Variants in CASP14 observed in about 807,000 individuals in gnomAD.
CASP14 encodes caspase-14.
A neutral mutation model predicts 28.4 loss-of-function variants in CASP14; 27 were observed. That is an observed-to-expected ratio of 0.95 (90% CI 0.70 to 1.31). The LOEUF (loss-of-function observed/expected upper bound fraction) is 1.31, where lower values mean the gene tolerates loss of function less well. Ranked by LOEUF, CASP14 falls within the 50% of genes most tolerant of loss-of-function variation. The pLI is 0.00. For synonymous variants in CASP14, 115 were observed against 118.6 expected, an observed-to-expected ratio of 0.97 and a Z score of 0.20; for missense variants, 323 against 312.8, an observed-to-expected ratio of 1.03 and a Z score of -0.25.
chr19:15,051,072 A>G (rs1402535823), intron 1 of CASP14, among the ~76,000 whole-genome samples: 2 of 152,036 alleles, frequency 1.3e-5, no homozygotes, highest in Non-Finnish European at 2.9e-5. Flanking sequence ...TGGTAGATGG[A>G]TAGATGAATG....
In CASP14 at chr19:15,055,510, CA is replaced by C; in HGVS notation, c.602del (p.His201LeufsTer6). ...LVDVFTKRKG[H>X]ILELLTEVTR... is the part of the protein sequence containing the mutation. ...GGATGTGTTCACGAAGAGGAAAGGA[CA>C]TATCTTGGAACTTCTGACAGAGGTG... On this transcript the variant is annotated frameshift_variant, in exon 6 of 7. Transcript: ENST00000427043. LOFTEE classifies it high-confidence loss of function. 2 of 1,613,902 alleles carry C rather than the reference CA, an allele frequency of 1.2e-6. No homozygotes were observed. The highest frequency in any genetic ancestry group is 1.7e-6 in the Non-Finnish European group (2 of 1,179,818).
At chr19:15,051,499 T>A (rs2046090553) in intron 1 of CASP14, among the ~76,000 whole-genome samples, 2 of 41,090 alleles carry the variant, frequency 4.9e-5, no homozygotes, top group African/African-American at 1.6e-4. Flanking sequence ...TGAGATTCTG[T>A]CTCAAAAAAA....
In CASP14 at chr19:15,054,868, T is replaced by C. The variant is rs138207650; in HGVS notation, c.404-290T>C. Reference sequence around the variant, plus strand: ...GTTGGTCAGGCTGGTCTCAAACTCCTGACCTCAGGTGATCTGCCTTCCTCA... The same window carrying C: ...GTTGGTCAGGCTGGTCTCAAACTCCCGACCTCAGGTGATCTGCCTTCCTCA... On this transcript the variant is annotated intron_variant, in intron 4 of 6. Transcript: ENST00000427043. 1,337 of 287,540 alleles carry C rather than the reference T, an allele frequency of 4.6e-3. 8 individuals are homozygous for C. Among genetic ancestry groups the C allele is most frequent in the Non-Finnish European group, 6.5e-3 (972 of 149,300 alleles). 17.8% of individuals were successfully genotyped at this position (287,540 alleles called of 1,614,324 possible). A position where few individuals can be genotyped will look rare whatever the true frequency, so the allele number is the denominator to read the frequency against.
Position 15,052,238 on chromosome 19 carries a change from C to T in CASP14, c.-14C>T, listed in dbSNP as rs376448347. 91 of 1,586,636 alleles carry T rather than the reference C, an allele frequency of 5.7e-5. No homozygotes were observed. The highest frequency in any genetic ancestry group is 3.0e-4 in the Admixed American group (17 of 55,996). Reference sequence around the variant, plus strand: ...CAAGGGTGCTGAGAGCCGGGACTCACAACCAAAGGAGAAATGAGCAATCCG... The same window carrying T: ...CAAGGGTGCTGAGAGCCGGGACTCATAACCAAAGGAGAAATGAGCAATCCG... On this transcript the variant is annotated 5_prime_UTR_variant, in exon 2 of 7. Transcript: ENST00000427043.
At chr19:15,054,901 A>G in intron 4 of CASP14, 1 of 373,272 alleles carries the variant, frequency 2.7e-6, no homozygotes. Context: ...TCAGCCTCCC[A>G]AAGTGCTGGG....
At chr19:15,049,697 T>TCTCTCTCTCTCTCTCA (rs1491472877) in intron 1 of CASP14, 52 bp downstream of exon 1, 1 of 104,504 alleles carries the variant, frequency 9.6e-6, no homozygotes, top group African/African-American at 3.7e-5. Flanking sequence ...TCTCTCTCTC[T>TCTCTCTCTCTCTCTCA]CACACACACA....
chr19:15,055,968 C>G lies in CASP14; in HGVS notation c.625-17C>G, dbSNP rs1204099044. ...ATGACACTGACTCCTCCAAGCTCAC[C>G]ACACCTGTTGCTGCAGGTGACCCGG... On this transcript the variant is annotated splice_polypyrimidine_tract_variant and intron_variant, in intron 6 of 6. Transcript: ENST00000427043. 1 of 1,591,124 alleles carries G rather than the reference C, an allele frequency of 6.3e-7. No individual in the cohort carries two copies. The highest frequency in any genetic ancestry group is 2.3e-5 in the East Asian group (1 of 44,190).
chr19:15,056,317 G>T lies in CASP14; in HGVS notation c.*228G>T, dbSNP rs61637857. On this transcript the variant is annotated 3_prime_UTR_variant, in exon 7 of 7. Coordinates refer to ENST00000427043, the MANE Select transcript of CASP14 (RefSeq NM_012114.3). ...CATTAACATCACCTCCCTCAGGCTG[G>T]ACTTTCTATCTTTATTAATGCAACC... is the stretch of plus-strand genomic sequence containing the variant. 0.091 allele frequency: 39,201 copies of T among 431,556 alleles called. 2,269 individuals are homozygous for T. The highest frequency in any genetic ancestry group is 0.2 in the African/African-American group (9,912 of 49,674). 26.7% of individuals were successfully genotyped at this position (431,556 alleles called of 1,614,324 possible).
intron 6 of CASP14, among the ~76,000 whole-genome samples, chr19:15,055,755 T>C (rs752645418): frequency 6.6e-6 from 1 of 152,192 alleles, no homozygotes; most frequent in Non-Finnish European, 1.5e-5. Flanking sequence ...AAATCCCCCT[T>C]GGATATAAAC....
At chr19:15,054,439 G>T (rs929716780) in intron 4 of CASP14, among the ~76,000 whole-genome samples, 4 of 152,126 alleles carry the variant, frequency 2.6e-5, no homozygotes, top group African/African-American at 9.7e-5. Context: ...GATTAGCCAA[G>T]GGCATGGTGG....
rs375639504 is a variant in CASP14, at chr19:15,056,528, G to A, written c.*439G>A. ...TCACTTGGAGGTCAAACCTCCTCCTGAGGCCAATGCATTCCCAACTTCCAG... is the reference window on the plus strand; with the variant it reads ...TCACTTGGAGGTCAAACCTCCTCCTAAGGCCAATGCATTCCCAACTTCCAG... On this transcript the variant is annotated 3_prime_UTR_variant, in exon 7 of 7. Coordinates refer to ENST00000427043, the MANE Select transcript of CASP14 (RefSeq NM_012114.3). 120 of 171,324 alleles carry A rather than the reference G, an allele frequency of 7.0e-4. 4 individuals carry two copies. The South Asian group carries it at 0.017, about 24-fold the overall frequency. The allele number at this position is 171,324 out of a possible 1,614,324, so 10.6% of individuals were successfully genotyped here. A position where few individuals can be genotyped will look rare whatever the true frequency, so the allele number is the denominator to read the frequency against.
At chr19:15,053,671 T>C in intron 3 of CASP14, 40 bp downstream of exon 3, 1 of 1,613,916 alleles carries the variant, frequency 6.2e-7, no homozygotes. Flanking sequence ...GGGGGAAAGG[T>C]ACTAGGTTGG....
rs138149294 is a variant in CASP14 at position 15,055,169 on chromosome 19, C to T, written c.415C>T (p.Pro139Ser). 4.3e-4 allele frequency: 690 copies of T among 1,613,828 alleles called. 5 individuals are homozygous for T. The African/African-American group carries it at 8.2e-3, about 19-fold the overall frequency. ...TCTTGTTGTTTCAGAACAAAGGGAC[C>T]CCGGTGAAACAGTAGGTGGAGATGA... ...IQACRGEQRD[P>S]GETVGGDEIV... The change falls in exon 5 of 7, where the codon CCC becomes TCC. Residue 139 changes from proline to serine, a missense_variant. Transcript: ENST00000427043.
chr19:15,055,222 A>C lies in CASP14; in HGVS notation c.468A>C (p.Pro156=), dbSNP rs113252599. The change falls in exon 5 of 7, where the codon CCA becomes CCC. Residue 156 remains proline, a synonymous_variant. Coordinates refer to ENST00000427043, the MANE Select transcript of CASP14 (RefSeq NM_012114.3). The part of the protein sequence containing the change: ...DEIVMVIKDS[P]QTIPTYTDAL... ...TTGTGATGGTCATCAAAGACAGCCC[A>C]CAAACCATCCCAACATACACAGATG... The C allele has an allele frequency of 5.8e-4, 935 of 1,614,060 alleles. 6 individuals carry two copies. The African/African-American group carries it at 0.01, about 18-fold the overall frequency.
intron 1 of CASP14, among the ~76,000 whole-genome samples, chr19:15,051,308 C>T (rs1428861512): frequency 6.6e-6 from 1 of 151,252 alleles, no homozygotes; most frequent in Non-Finnish European, 1.5e-5. Flanking sequence ...ACCATCCTGG[C>T]TAACACAGTG....
Position 15,053,931 on chromosome 19 carries a change from G to A in CASP14, c.376G>A (p.Val126Met), listed in dbSNP as rs764966381. 4 of 1,613,886 alleles carry A rather than the reference G, an allele frequency of 2.5e-6. No individual in the cohort carries two copies. Among genetic ancestry groups the A allele is most frequent in the Non-Finnish European group, 2.5e-6 (3 of 1,180,016 alleles). ...NCQALRAKPK[V>M]YIIQACRGEQ... ...CCAGGCCCTGCGAGCTAAGCCCAAG[G>A]TGTACATCATACAGGCCTGTCGAGG... The change falls in exon 4 of 7, where the codon GTG becomes ATG. Residue 126 changes from valine (V) to methionine (M), a missense_variant. By Grantham distance (21) the Val-to-Met change is conservative. Coordinates refer to ENST00000427043, the MANE Select transcript of CASP14 (RefSeq NM_012114.3).
At position 15,053,578 on chromosome 19, in the gene CASP14, A is replaced by G. The variant is rs761056611; in HGVS notation, c.124A>G (p.Met42Val). 12 of 1,614,084 alleles carry G rather than the reference A, an allele frequency of 7.4e-6. No homozygotes were observed. Among genetic ancestry groups the G allele is most frequent in the African/African-American group, 1.3e-5 (1 of 75,046 alleles). ...SEEDLDALEH[M>V]FRQLRFESTM... Reference sequence around the variant, plus strand: ...AGAAGACCTGGATGCTCTGGAACACATGTTTCGGCAGCTGAGATTCGAAAG... The same window carrying G: ...AGAAGACCTGGATGCTCTGGAACACGTGTTTCGGCAGCTGAGATTCGAAAG... The change falls in exon 3 of 7, where the codon ATG (methionine) becomes GTG (valine). Residue 42 changes from methionine (M) to valine (V), a missense_variant. Coordinates refer to ENST00000427043, the MANE Select transcript of CASP14 (RefSeq NM_012114.3).
intron 2 of CASP14, 34 bp from the exon 3 acceptor site, chr19:15,053,448 C>T (rs771520442): frequency 6.2e-7 from 1 of 1,613,820 alleles, no homozygotes; most frequent in Admixed American, 1.7e-5. Flanking sequence ...CCTTGAACCT[C>T]TCCATGCTGA....
chr19:15,057,795 G>A lies in CASP14; in HGVS notation c.*1706G>A, dbSNP rs2046124608. Reference sequence around the variant, plus strand: ...CCCAGCTACTCAGGAGGCTGAGGTGGGAGGATGACTTGAGCCCAGGAGTTT... The same window carrying A: ...CCCAGCTACTCAGGAGGCTGAGGTGAGAGGATGACTTGAGCCCAGGAGTTT... On this transcript the variant is annotated 3_prime_UTR_variant, in exon 7 of 7. Coordinates refer to ENST00000427043, the MANE Select transcript of CASP14 (RefSeq NM_012114.3). 6.6e-6 allele frequency: 1 copy of A among 152,344 alleles called. No homozygotes were observed. Among genetic ancestry groups the A allele is most frequent in the South Asian group, 2.1e-4 (1 of 4,828 alleles). The allele number at this position is 152,344 out of a possible 1,614,324, so 9.4% of individuals were successfully genotyped here. A position where few individuals can be genotyped will look rare whatever the true frequency, so the allele number is the denominator to read the frequency against.
Sources: gnomAD v4.1 joint callset for allele counts (sites outside exome capture counted in the v4.1 genomes callset) on GRCh38, gnomAD v4.1.1 for gene constraint, MANE v1.5 for transcripts, NCBI Gene and HGNC (gene_info 2026-07-23, HGNC 2026-07-21) for gene names.